VPS50: variants seen among roughly 807,000 people sequenced by gnomAD.
VPS50 encodes syndetin.
VPS50 carries 70 observed loss-of-function variants against 139.7 expected under a neutral mutation model. That is an observed-to-expected ratio of 0.50 (90% confidence interval 0.41 to 0.61). The LOEUF is 0.61. VPS50 is among the 20% of genes least tolerant of loss of function. VPS50 has a pLI of 0.00. For missense variants in VPS50, 921 were observed against 1,133.7 expected (o/e 0.81, Z 2.69); for synonymous variants, 365 against 376.7 (o/e 0.97, Z 0.36).
At chr7:93,312,106 T>G (rs1369199560) in intron 20 of VPS50, among the ~76,000 whole-genome samples, 3 of 152,122 alleles carry the variant, frequency 2.0e-5, no homozygotes, top group African/African-American at 7.2e-5. Flanking sequence ...TAGGATAAAA[T>G]GTACAGAATG....
chr7:93,318,369 G>C (rs1797492857), intron 20 of VPS50, among the ~76,000 whole-genome samples: 1 of 152,060 alleles, frequency 6.6e-6, no homozygotes, highest in South Asian at 2.1e-4. Flanking sequence ...TTTTACTCTG[G>C]TCTTCACTTC....
intron 20 of VPS50, among the ~76,000 whole-genome samples, chr7:93,319,429 G>T (rs1797533972): frequency 6.6e-6 from 1 of 152,032 alleles, no homozygotes; most frequent in Non-Finnish European, 1.5e-5. Context: ...AAAGGCTGAT[G>T]AGAAGTAAAT....
intron 20 of VPS50, among the ~76,000 whole-genome samples, chr7:93,312,879 C>T (rs1797312024): frequency 6.6e-6 from 1 of 152,138 alleles, no homozygotes; most frequent in Non-Finnish European, 1.5e-5. Context: ...TTGTCATCCT[C>T]CTTAGCCTTC....
chr7:93,295,378 A>G (rs1456610353), intron 14 of VPS50: 1 of 152,200 alleles, frequency 6.6e-6, no homozygotes, highest in Non-Finnish European at 1.5e-5. Context: ...CTCTACCTTC[A>G]CGATTTAATC....
At chr7:93,264,949 T>A (rs955877451) in intron 9 of VPS50, among the ~76,000 whole-genome samples, 8 of 152,144 alleles carry the variant, frequency 5.3e-5, no homozygotes, top group African/African-American at 1.9e-4. Context: ...CATCTTCTAT[T>A]TTAACTTGTT....
intron 2 of VPS50, among the ~76,000 whole-genome samples, chr7:93,251,521 G>GT (rs1420186921): frequency 6.6e-6 from 1 of 150,934 alleles, no homozygotes; most frequent in African/African-American, 2.4e-5. Context: ...TTATTGGGGG[G>GT]TGGGGGGCTA....
At chr7:93,298,229 A>G (rs1796869045) in intron 16 of VPS50, among the ~76,000 whole-genome samples, 1 of 152,214 alleles carries the variant, frequency 6.6e-6, no homozygotes, top group African/African-American at 2.4e-5. Context: ...TTCATGACTG[A>G]GAATGTTTAA....
At chr7:93,329,944 G>T (rs993395319) in intron 21 of VPS50, among the ~76,000 whole-genome samples, 2 of 152,126 alleles carry the variant, frequency 1.3e-5, no homozygotes, top group African/African-American at 4.8e-5. Context: ...TGAAAACCTA[G>T]ATCCTCAGAA....
intron 23 of VPS50, among the ~76,000 whole-genome samples, chr7:93,347,683 G>C (rs376593794): frequency 6.7e-6 from 1 of 148,510 alleles, no homozygotes; most frequent in Non-Finnish European, 1.5e-5. Flanking sequence ...GTAGGGACAT[G>C]GATGAAATTG....
intron 18 of VPS50, among the ~76,000 whole-genome samples, chr7:93,307,483 G>T (rs1797149873): frequency 6.6e-6 from 1 of 151,894 alleles, no homozygotes; most frequent in Non-Finnish European, 1.5e-5. Flanking sequence ...GGCAGAGCAT[G>T]CCTTGTTTGT....
chr7:93,262,531 A>G (rs914755852), intron 9 of VPS50, among the ~76,000 whole-genome samples: 2 of 152,264 alleles, frequency 1.3e-5, no homozygotes, highest in African/African-American at 4.8e-5. Flanking sequence ...CATGCATGTG[A>G]TAATAAGAAG....
intron 23 of VPS50, among the ~76,000 whole-genome samples, chr7:93,348,060 A>C (rs951282264): frequency 6.6e-6 from 1 of 152,184 alleles, no homozygotes; most frequent in African/African-American, 2.4e-5. Flanking sequence ...TAACGCATAT[A>C]ACTTCTTTGG....
In VPS50 at chr7:93,305,812, C is replaced by CT. The variant is rs1052927459; in HGVS notation, c.1453-10dup. On this transcript the variant is annotated splice_polypyrimidine_tract_variant and intron_variant, in intron 17 of 27. Coordinates refer to ENST00000305866, the MANE Select transcript of VPS50 (RefSeq NM_017667.4). ...ATTGTTGCTAAAGGGTATCTGGCTCCTTTTTTAACATCTAGGAATTTAAAT... is the reference window on the plus strand; with the variant it reads ...ATTGTTGCTAAAGGGTATCTGGCTCCTTTTTTTAACATCTAGGAATTTAAAT... 2 of 1,607,862 alleles carry CT rather than the reference C, an allele frequency of 1.2e-6. No individual in the cohort carries two copies. The highest frequency in any genetic ancestry group is 1.3e-5 in the African/African-American group (1 of 74,764).
At chr7:93,244,127 C>T (rs1319166574) in intron 2 of VPS50, among the ~76,000 whole-genome samples, 2 of 151,630 alleles carry the variant, frequency 1.3e-5, no homozygotes, top group Non-Finnish European at 2.9e-5. Context: ...ATGTCTGTTG[C>T]AGTCAACATT....
chr7:93,268,396 C>T (rs1443135970), intron 9 of VPS50, among the ~76,000 whole-genome samples: 1 of 151,862 alleles, frequency 6.6e-6, no homozygotes. Flanking sequence ...TAAATGTGTG[C>T]CATGGTGGTT....
intron 26 of VPS50, among the ~76,000 whole-genome samples, chr7:93,354,354 T>G (rs894921171): frequency 1.3e-5 from 2 of 151,374 alleles, no homozygotes; most frequent in African/African-American, 4.9e-5. Context: ...AGTGCAGTGG[T>G]GCAATCTGGG....
chr7:93,343,413 G>T (rs920350890), intron 23 of VPS50, among the ~76,000 whole-genome samples: 4 of 152,278 alleles, frequency 2.6e-5, no homozygotes, highest in South Asian at 2.1e-4. Context: ...CACTCTGCAG[G>T]ATATTATCCA....
At chr7:93,318,748 A>T (rs1255772463) in intron 20 of VPS50, among the ~76,000 whole-genome samples, 1 of 152,102 alleles carries the variant, frequency 6.6e-6, no homozygotes, top group Non-Finnish European at 1.5e-5. Flanking sequence ...CTCTCTTGTC[A>T]TATCCACAAT....
intron 26 of VPS50, 121 bp downstream of exon 26, chr7:93,353,882 G>C: frequency 1.3e-6 from 1 of 788,446 alleles, no homozygotes; most frequent in Admixed American, 2.9e-5. Flanking sequence ...AGACAAGTTT[G>C]GGATATAATT....
Sources: allele counts gnomAD v4.1 joint callset (sites outside exome capture counted in the v4.1 genomes callset), GRCh38; gene constraint gnomAD v4.1.1; transcripts MANE v1.5; gene names NCBI Gene and HGNC (gene_info 2026-07-23, HGNC 2026-07-21).